ST6GALNAC5: variants seen among roughly 807,000 people sequenced by gnomAD.
ST6GALNAC5 encodes the protein alpha-N-acetylgalactosaminide alpha-2,6-sialyltransferase 5.
A neutral mutation model predicts 33.6 loss-of-function variants in ST6GALNAC5; 27 were observed. The observed-to-expected ratio is 0.80, with a 90% CI of 0.59 to 1.11. ST6GALNAC5 has a LOEUF of 1.11. ST6GALNAC5 is among the 50% of genes least tolerant of loss of function. ST6GALNAC5 has a pLI of 0.00. For missense variants in ST6GALNAC5, 428 were observed against 454.0 expected (o/e 0.94, Z 0.52); for synonymous variants, 194 against 171.2 (o/e 1.13, Z -1.04).
At chr1:77,016,902 T>C (rs1650871715) in intron 2 of ST6GALNAC5, among the ~76,000 whole-genome samples, 1 of 152,090 alleles carries the variant, frequency 6.6e-6, no homozygotes, top group Non-Finnish European at 1.5e-5. Flanking sequence ...ATTTGAGAAA[T>C]GATGTGATAA....
At chr1:77,041,825 A>C (rs1651840058) in intron 2 of ST6GALNAC5, among the ~76,000 whole-genome samples, 4 of 152,218 alleles carry the variant, frequency 2.6e-5, no homozygotes, top group Admixed American at 1.3e-4. Context: ...CTTTGGTAGA[A>C]GATTCTTGTC....
chr1:76,999,343 C>G (rs1650055343), intron 2 of ST6GALNAC5, among the ~76,000 whole-genome samples: 1 of 152,114 alleles, frequency 6.6e-6, no homozygotes, highest in Non-Finnish European at 1.5e-5. Context: ...TACTTTAATT[C>G]TGATCTAATA....
intron 2 of ST6GALNAC5, among the ~76,000 whole-genome samples, chr1:76,983,160 A>G (rs139887675): frequency 0.019 from 2,924 of 152,240 alleles, 88 homozygotes; most frequent in African/African-American, 0.067. Flanking sequence ...CACACATAAC[A>G]ATAATAACTT....
chr1:76,869,234 T>A (rs1349453463), intron 2 of ST6GALNAC5, among the ~76,000 whole-genome samples: 1 of 152,110 alleles, frequency 6.6e-6, no homozygotes, highest in African/African-American at 2.4e-5. Context: ...TTGGGCTGAA[T>A]TCTCTCAGCC....
intron 2 of ST6GALNAC5, among the ~76,000 whole-genome samples, chr1:76,884,677 A>G (rs1376000458): frequency 2.0e-5 from 3 of 152,204 alleles, no homozygotes; most frequent in Admixed American, 2.0e-4. Flanking sequence ...CTTTCTGGCT[A>G]TATGGACATG....
At chr1:76,945,685 C>T (rs912302866) in intron 2 of ST6GALNAC5, among the ~76,000 whole-genome samples, 2 of 152,058 alleles carry the variant, frequency 1.3e-5, no homozygotes, top group Non-Finnish European at 2.9e-5. Context: ...AAACAATAAG[C>T]ACCTTGGTTT....
At chr1:77,046,193 T>C (rs1462231993) in intron 3 of ST6GALNAC5, among the ~76,000 whole-genome samples, 1 of 152,214 alleles carries the variant, frequency 6.6e-6, no homozygotes, top group Non-Finnish European at 1.5e-5. Context: ...GGCAAGAGGA[T>C]GGCTTGAGCC....
intron 2 of ST6GALNAC5, among the ~76,000 whole-genome samples, chr1:76,998,775 T>G (rs1456999419): frequency 6.6e-6 from 1 of 152,236 alleles, no homozygotes; most frequent in Non-Finnish European, 1.5e-5. Flanking sequence ...GTGAAATGTT[T>G]GAAGATGAAA....
At chr1:76,918,007 C>T (rs1197104744) in intron 2 of ST6GALNAC5, among the ~76,000 whole-genome samples, 3 of 152,150 alleles carry the variant, frequency 2.0e-5, no homozygotes, top group Non-Finnish European at 4.4e-5. Context: ...ATGGTTGTCT[C>T]ATCCAGAAAC....
chr1:76,992,560 T>C (rs1649779474), intron 2 of ST6GALNAC5, among the ~76,000 whole-genome samples: 1 of 152,194 alleles, frequency 6.6e-6, no homozygotes, highest in South Asian at 2.1e-4. Context: ...GATGGTGCAA[T>C]CTCAGCTCAC....
chr1:76,873,180 C>T (rs1435760580), intron 2 of ST6GALNAC5, among the ~76,000 whole-genome samples: 1 of 152,162 alleles, frequency 6.6e-6, no homozygotes, highest in Non-Finnish European at 1.5e-5. Flanking sequence ...TCCTGGAAAG[C>T]TCTTCCCCAA....
chr1:76,939,593 A>C (rs959723727), intron 2 of ST6GALNAC5, among the ~76,000 whole-genome samples: 69 of 152,116 alleles, frequency 4.5e-4, no homozygotes, highest in African/African-American at 1.4e-3. Context: ...AATGGACAGA[A>C]TTGTGCTAAT....
intron 4 of ST6GALNAC5, among the ~76,000 whole-genome samples, chr1:77,050,622 A>C (rs1196710925): frequency 6.6e-6 from 1 of 152,260 alleles, no homozygotes; most frequent in African/African-American, 2.4e-5. Flanking sequence ...TATCAGCCAG[A>C]AGTAATGCAA....
At chr1:76,928,485 G>A (rs1320107630) in intron 2 of ST6GALNAC5, among the ~76,000 whole-genome samples, 3 of 152,082 alleles carry the variant, frequency 2.0e-5, no homozygotes, top group Non-Finnish European at 4.4e-5. Context: ...AGCAATAAAG[G>A]TAGCACATTG....
intron 2 of ST6GALNAC5, among the ~76,000 whole-genome samples, chr1:77,033,748 C>T (rs1324150261): frequency 6.6e-6 from 1 of 152,052 alleles, no homozygotes; most frequent in East Asian, 1.9e-4. Context: ...AGAAGGAATG[C>T]TTACTGTTTC....
At chr1:76,881,482 T>C (rs7545097) in intron 2 of ST6GALNAC5, among the ~76,000 whole-genome samples, 290 of 152,322 alleles carry the variant, frequency 1.9e-3, no homozygotes, top group African/African-American at 6.6e-3. Context: ...CCCATGACAA[T>C]ACTTATTCCA....
chr1:76,995,924 A>G (rs190798909), intron 2 of ST6GALNAC5, among the ~76,000 whole-genome samples: 10 of 152,332 alleles, frequency 6.6e-5, no homozygotes, highest in African/African-American at 2.2e-4. Flanking sequence ...AAACATTTTT[A>G]TCAAATGAAT....
At chr1:76,957,482 A>G (rs1570707154) in intron 2 of ST6GALNAC5, among the ~76,000 whole-genome samples, 1 of 152,192 alleles carries the variant, frequency 6.6e-6, no homozygotes, top group Non-Finnish European at 1.5e-5. Context: ...ATAATGTTAC[A>G]TTCTGCAGTT....
chr1:76,984,226 G>C (rs1025465554), intron 2 of ST6GALNAC5, among the ~76,000 whole-genome samples: 1 of 152,116 alleles, frequency 6.6e-6, no homozygotes, highest in Admixed American at 6.5e-5. Context: ...TTCAGGAGCT[G>C]GTTTTTTGAA....
Sources: allele counts gnomAD v4.1 joint callset (sites outside exome capture counted in the v4.1 genomes callset), GRCh38; gene constraint gnomAD v4.1.1; transcripts MANE v1.5; gene names NCBI Gene and HGNC (gene_info 2026-07-23, HGNC 2026-07-21).